Variants in BACH1 observed in about 807,000 individuals in gnomAD.
BACH1 encodes the protein BTB domain and CNC homolog 1.
In BACH1, 35 loss-of-function variants were observed where a neutral mutation model predicts 52.9. The observed-to-expected ratio is 0.66, with a 90% CI of 0.51 to 0.88. BACH1 has a LOEUF of 0.88. BACH1 is among the 40% of genes least tolerant of loss of function. The probability of loss-of-function intolerance (pLI) is 0.00; values close to 1 mark genes in which losing one functional copy is unlikely to be tolerated. For synonymous variants in BACH1, 321 were observed against 319.6 expected (o/e 1.00, Z -0.05); for missense variants, 808 against 872.6 (o/e 0.93, Z 0.93).
Position 29,344,489 on chromosome 21 carries a change from G to A in BACH1, c.*1656G>A. ...GGAGGATATTGCTAGTATATTTTCA[G>A]TGGTTTGTATGTTCTCTCTGTCACT... On this transcript the variant is annotated 3_prime_UTR_variant, in exon 5 of 5. Coordinates refer to ENST00000286800, the MANE Select transcript of BACH1 (RefSeq NM_001186.4). 6.6e-6 allele frequency: 1 copy of A among 152,566 alleles called. No homozygotes were observed. The highest frequency in any genetic ancestry group is 1.5e-5 in the Non-Finnish European group (1 of 68,014). The allele number at this position is 152,566 out of a possible 1,614,324, so 9.5% of individuals were successfully genotyped here.
At chr21:29,313,435 C>T (rs568811859) in intron 1 of BACH1, among the ~76,000 whole-genome samples, 2 of 152,314 alleles carry the variant, frequency 1.3e-5, no homozygotes, top group East Asian at 3.9e-4. Context: ...CTCTTCTACT[C>T]CTAGGTGTTT....
At chr21:29,331,733 A>G (rs1014790031) in intron 4 of BACH1, among the ~76,000 whole-genome samples, 2 of 152,174 alleles carry the variant, frequency 1.3e-5, no homozygotes, top group East Asian at 1.9e-4. Flanking sequence ...GAAAAATAGG[A>G]TAATACTAGT....
chr21:29,360,754 A>T (rs977366421), intron 2 of BACH1, among the ~76,000 whole-genome samples: 1 of 151,458 alleles, frequency 6.6e-6, no homozygotes, highest in Admixed American at 6.6e-5. Context: ...CTGAGACAGG[A>T]GAATAGCTTG....
At chr21:29,309,219 C>T (rs1276271989) in intron 1 of BACH1, among the ~76,000 whole-genome samples, 1 of 149,636 alleles carries the variant, frequency 6.7e-6, no homozygotes, top group Non-Finnish European at 1.5e-5. Context: ...GATTGTGCCA[C>T]TGCACTCCAG....
downstream of BACH1, among the ~76,000 whole-genome samples, chr21:29,347,387 T>A (rs2089175762): frequency 6.6e-6 from 1 of 152,198 alleles, no homozygotes; most frequent in Admixed American, 6.5e-5. Flanking sequence ...GTAGACTTAA[T>A]GACGCTAAAA....
intron 4 of BACH1, among the ~76,000 whole-genome samples, chr21:29,340,119 A>G (rs1329262427): frequency 6.6e-6 from 1 of 152,256 alleles, no homozygotes; most frequent in Non-Finnish European, 1.5e-5. Flanking sequence ...AGTCCCACTC[A>G]TGACTGTAAG....
intron 2 of BACH1, among the ~76,000 whole-genome samples, chr21:29,324,556 TTGTGTGTGTGTGTGTGTGTGTG>T (rs59785894): frequency 2.1e-5 from 3 of 145,216 alleles, no homozygotes; most frequent in African/African-American, 5.1e-5. Context: ...TGGATGTACC[TTGTGTGTGTGTGTGTGTGTGTG>T]TGTGTGTGTG....
chr21:29,328,996 A>G (rs2123452674), intron 3 of BACH1, among the ~76,000 whole-genome samples: 1 of 152,302 alleles, frequency 6.6e-6, no homozygotes. Flanking sequence ...TATTGTGAAT[A>G]ATGCGGTAAC....
chr21:29,315,762 G>C (rs1050575063), intron 1 of BACH1, among the ~76,000 whole-genome samples: 6 of 152,180 alleles, frequency 3.9e-5, no homozygotes, highest in African/African-American at 1.4e-4. Context: ...TACCTTTCCA[G>C]ATGTCCACAT....
intron 2 of BACH1, among the ~76,000 whole-genome samples, chr21:29,358,319 A>G (rs576755331): frequency 1.3e-5 from 2 of 152,370 alleles, no homozygotes; most frequent in African/African-American, 4.8e-5. Flanking sequence ...AAGGAGCAAC[A>G]GACATGGGCC....
chr21:29,306,031 A>G (rs1316692756), intron 1 of BACH1, among the ~76,000 whole-genome samples: 1 of 152,226 alleles, frequency 6.6e-6, no homozygotes, highest in Admixed American at 6.5e-5. Flanking sequence ...TGGGAAATCA[A>G]GAAAGCCTTA....
chr21:29,350,336 A>G (rs2089195508), downstream of BACH1, among the ~76,000 whole-genome samples: 2 of 152,298 alleles, frequency 1.3e-5, no homozygotes, highest in South Asian at 2.1e-4. Flanking sequence ...GGAACATTGC[A>G]TATTCCTTTC....
In BACH1 at chr21:29,344,751, AATAAT is replaced by A. The variant is rs1301098303; in HGVS notation, c.*1923_*1927del. The A allele has an allele frequency of 2.0e-5, 3 of 152,504 alleles. No homozygotes were observed. Among genetic ancestry groups the A allele is most frequent in the Non-Finnish European group, 2.9e-5 (2 of 68,012 alleles). The allele number at this position is 152,504 out of a possible 1,614,324, so 9.4% of individuals were successfully genotyped here. ...TTTAAATTTCAGCTTCACGATATAA[AATAAT>A]ATAAGAACTTCTGGTTTACAAAATG... On this transcript the variant is annotated 3_prime_UTR_variant, in exon 5 of 5. Coordinates refer to ENST00000286800, the MANE Select transcript of BACH1 (RefSeq NM_001186.4).
At position 29,306,391 on chromosome 21, in the gene BACH1, T is replaced by C. The variant is rs552296798; in HGVS notation, c.-61+7438T>C. On this transcript the variant is annotated intron_variant, in intron 1 of 4. Transcript: ENST00000286800. ...TTTTTTTTTTTTCCTAGGTTGTTGCTATCAGTGAGAAAAATTTTTCCCTAA... is the reference window on the plus strand; with the variant it reads ...TTTTTTTTTTTTCCTAGGTTGTTGCCATCAGTGAGAAAAATTTTTCCCTAA... Among the ~76,000 whole-genome samples, 4 of 151,420 alleles carry C rather than the reference T, an allele frequency of 2.6e-5. No individual in the cohort carries two copies. In the East Asian group the frequency reaches 7.7e-4, roughly 29 times the overall value.
intron 3 of BACH1, 140 bp from the exon 4 acceptor site, chr21:29,329,347 A>G (rs2123453442): frequency 1.6e-6 from 1 of 617,212 alleles, no homozygotes; most frequent in South Asian, 3.1e-5. Context: ...GAGATTGTAT[A>G]GAAATTGGGA....
chr21:29,324,996 A>T (rs1331317463), intron 2 of BACH1, among the ~76,000 whole-genome samples: 2 of 152,176 alleles, frequency 1.3e-5, no homozygotes, highest in South Asian at 4.1e-4. Context: ...TGGGAGGCCT[A>T]GGCGAGTGGA....
chr21:29,334,730 A>G (rs1403046682), intron 4 of BACH1, among the ~76,000 whole-genome samples: 1 of 152,240 alleles, frequency 6.6e-6, no homozygotes, highest in Non-Finnish European at 1.5e-5. Flanking sequence ...AGGTGTTCAG[A>G]CACCATTTTA....
At chr21:29,308,128 G>A (rs888403924) in intron 1 of BACH1, among the ~76,000 whole-genome samples, 5 of 152,132 alleles carry the variant, frequency 3.3e-5, no homozygotes, top group African/African-American at 1.2e-4. Flanking sequence ...TTTATAGGCT[G>A]CAAATTGTTC....
intron 1 of BACH1, among the ~76,000 whole-genome samples, chr21:29,303,007 G>C (rs559057003): frequency 1.3e-5 from 2 of 152,200 alleles, no homozygotes; most frequent in Non-Finnish European, 1.5e-5. Flanking sequence ...TCTTTTCCAC[G>C]TTGTAGTTGA....
Sources: gnomAD v4.1 joint callset for allele counts (sites outside exome capture counted in the v4.1 genomes callset) on GRCh38, gnomAD v4.1.1 for gene constraint, MANE v1.5 for transcripts, NCBI Gene and HGNC (gene_info 2026-07-23, HGNC 2026-07-21) for gene names.